The following DNAAF6 variants were observed in gnomAD, a reference collection of about 807,000 sequenced individuals.
DNAAF6 encodes dynein axonemal assembly factor 6, also known as PIH1 domain containing 3.
In DNAAF6, 3 loss-of-function variants were observed where a neutral mutation model predicts 13.7. That is an observed-to-expected ratio of 0.22 (90% CI 0.10 to 0.56). The LOEUF (loss-of-function observed/expected upper bound fraction) is 0.56. Ranked by LOEUF, DNAAF6 falls within the 20% of genes least tolerant of loss-of-function variation. The pLI, the probability that DNAAF6 is intolerant of heterozygous loss-of-function variation, is 0.92. For missense variants in DNAAF6, 130 were observed against 151.0 expected, an observed-to-expected ratio of 0.86 and a Z score of 0.73; for synonymous variants, 54 against 49.2, an observed-to-expected ratio of 1.10 and a Z score of -0.41.
intron 2 of DNAAF6, among the ~76,000 whole-genome samples, 169 bp from the exon 3 acceptor site, chrX:107,216,502 C>T (rs755912114): frequency 1.5e-4 from 17 of 111,841 alleles, no homozygotes; most frequent in Middle Eastern, 4.6e-3. Flanking sequence ...AAAGCATATT[C>T]GAAATAGTAC....
intron 6 of DNAAF6, 28 bp downstream of exon 6, chrX:107,239,035 G>A (rs749992687): frequency 2.6e-5 from 31 of 1,169,996 alleles, no homozygotes; most frequent in Non-Finnish European, 1.0e-5. Flanking sequence ...CTGGAATAGT[G>A]TATTATAATA....
intron 5 of DNAAF6, among the ~76,000 whole-genome samples, chrX:107,237,655 CT>C (rs1184512358): frequency 3.6e-5 from 4 of 112,095 alleles, no homozygotes. Flanking sequence ...TCCGCAGCCC[CT>C]AGCAACCACC....
intron 6 of DNAAF6, 151 bp downstream of exon 6, chrX:107,239,158 T>C (rs1002861612): frequency 1.1e-6 from 1 of 895,971 alleles, no homozygotes; most frequent in African/African-American, 2.1e-5. Context: ...TCTACATTAA[T>C]ATAAACATAA....
intron 5 of DNAAF6, among the ~76,000 whole-genome samples, chrX:107,230,348 C>T (rs1928360449): frequency 8.9e-6 from 1 of 111,841 alleles, no homozygotes; most frequent in Non-Finnish European, 1.9e-5. Flanking sequence ...ACTCTTCCTT[C>T]CCTATAGCCT....
At chrX:107,207,082 C>A in intron 1 of DNAAF6, 1 of 111,627 alleles carries the variant, frequency 9.0e-6, no homozygotes, top group East Asian at 2.8e-4. Context: ...ACCATATTTT[C>A]TTATAGGAGG....
chrX:107,221,423 T>C (rs766319872), intron 4 of DNAAF6, among the ~76,000 whole-genome samples: 2 of 109,970 alleles, frequency 1.8e-5, no homozygotes, highest in Non-Finnish European at 3.8e-5. Context: ...TTGTGAAGAC[T>C]GCGTCTAACC....
At chrX:107,231,195 T>C (rs1928386812) in intron 5 of DNAAF6, among the ~76,000 whole-genome samples, 1 of 111,803 alleles carries the variant, frequency 8.9e-6, no homozygotes. Flanking sequence ...GAGATCATTA[T>C]GTTACGTGAA....
intron 1 of DNAAF6, among the ~76,000 whole-genome samples, chrX:107,209,102 G>A (rs1346420713): frequency 9.0e-6 from 1 of 111,043 alleles, no homozygotes; most frequent in Non-Finnish European, 1.9e-5. Context: ...TCATTGATGA[G>A]TATAGTTATC....
At chrX:107,222,955 G>T in intron 5 of DNAAF6, 114 bp downstream of exon 5, 3 of 981,009 alleles carry the variant, frequency 3.1e-6, no homozygotes, top group Non-Finnish European at 4.0e-6. Flanking sequence ...AATCGTGGTT[G>T]CTATGTTTCA....
chrX:107,217,552 TA>T (rs755164968), intron 3 of DNAAF6, among the ~76,000 whole-genome samples: 5 of 111,569 alleles, frequency 4.5e-5, no homozygotes, highest in African/African-American at 9.7e-5. Context: ...AGTTTACTTA[TA>T]AAAAAAAGTC....
At chrX:107,236,696 T>C (rs1273078425) in intron 5 of DNAAF6, among the ~76,000 whole-genome samples, 1 of 112,372 alleles carries the variant, frequency 8.9e-6, no homozygotes, top group Non-Finnish European at 1.9e-5. Context: ...TTTAAAGTTC[T>C]ACCCAGAAAT....
At chrX:107,239,966 C>A (rs1928592788) in intron 6 of DNAAF6, among the ~76,000 whole-genome samples, 1 of 111,763 alleles carries the variant, frequency 8.9e-6, no homozygotes, top group African/African-American at 3.2e-5. Flanking sequence ...AATGAACAAT[C>A]TTCCAAGATA....
chrX:107,234,261 G>C (rs1928471018), intron 5 of DNAAF6, among the ~76,000 whole-genome samples: 1 of 112,214 alleles, frequency 8.9e-6, no homozygotes, highest in South Asian at 3.7e-4. Context: ...CCCTAGTTTT[G>C]TACAATACAT....
chrX:107,226,177 G>A (rs989066111), intron 5 of DNAAF6, among the ~76,000 whole-genome samples: 1 of 111,880 alleles, frequency 8.9e-6, no homozygotes. Flanking sequence ...AGGCTTACAA[G>A]GTTTCAAATA....
chrX:107,206,783 C>T (rs760024254), intron 1 of DNAAF6, 93 bp downstream of exon 1: 1 of 110,922 alleles, frequency 9.0e-6, no homozygotes, highest in Non-Finnish European at 1.9e-5. Flanking sequence ...ATATTTATAA[C>T]TCTGCGAGAT....
At chrX:107,236,711 T>C (rs1928522767) in intron 5 of DNAAF6, among the ~76,000 whole-genome samples, 1 of 112,354 alleles carries the variant, frequency 8.9e-6, no homozygotes, top group Non-Finnish European at 1.9e-5. Flanking sequence ...AGAAATTGTA[T>C]CTATTTTTGT....
Position 107,212,928 on chromosome X carries a change from C to G in DNAAF6, c.53C>G (p.Ser18Cys), listed in dbSNP as rs1269873220. Reference sequence around the variant, plus strand: ...AATATGAAGACAGAAAATATGGAATCTCAAAATGTAGACTTTGAGAGTGTT... The same window carrying G: ...AATATGAAGACAGAAAATATGGAATGTCAAAATGTAGACTTTGAGAGTGTT... ...SENMKTENME[S>C]QNVDFESVSS... Residue 18 changes from serine to cysteine, a missense_variant, in exon 2 of 7, where the codon TCT (serine) becomes TGT (cysteine). Coordinates refer to ENST00000372453, the MANE Select transcript of DNAAF6 (RefSeq NM_173494.2). 8.3e-7 allele frequency: 1 copy of G among 1,202,550 alleles called. No homozygotes were observed. The highest frequency in any genetic ancestry group is 1.1e-6 in the Non-Finnish European group (1 of 892,104).
chrX:107,243,550 ACT>A lies in DNAAF6; in HGVS notation c.*253_*254del. On this transcript the variant is annotated 3_prime_UTR_variant, in exon 7 of 7. Coordinates refer to ENST00000372453, the MANE Select transcript of DNAAF6 (RefSeq NM_173494.2). ...TTTGGGAGGCCGAAGCAGGCGGATC[ACT>A]TGAGGTCAGGAGTTTGAGACCAGCC... is the stretch of plus-strand genomic sequence containing the variant. 4.2e-6 allele frequency: 1 copy of A among 236,162 alleles called. No homozygotes were observed. Among genetic ancestry groups the A allele is most frequent in the Non-Finnish European group, 7.1e-6 (1 of 140,940 alleles). 19.5% of individuals were successfully genotyped at this position (236,162 alleles called of 1,213,427 possible).
At chrX:107,213,909 G>T (rs1286265385) in intron 2 of DNAAF6, among the ~76,000 whole-genome samples, 1 of 111,383 alleles carries the variant, frequency 9.0e-6, no homozygotes, top group Admixed American at 9.6e-5. Context: ...TTTCACAAAC[G>T]TACATATCAA....
Sources: gnomAD v4.1 joint callset for allele counts (sites outside exome capture counted in the v4.1 genomes callset) on GRCh38, gnomAD v4.1.1 for gene constraint, MANE v1.5 for transcripts, NCBI Gene and HGNC (gene_info 2026-07-23, HGNC 2026-07-21) for gene names.